Variants in DGKB observed in about 807,000 individuals in gnomAD.
DGKB encodes 90 kDa diacylglycerol kinase.
DGKB carries 67 observed loss-of-function variants against 114.3 expected under a neutral mutation model. That is an observed-to-expected ratio of 0.59 (90% CI 0.48 to 0.72). The LOEUF is 0.72. Among genes scored for constraint, DGKB ranks in the 30% least tolerant of loss-of-function variants. The probability of loss-of-function intolerance (pLI) is 0.00; values close to 1 mark genes in which losing one functional copy is unlikely to be tolerated. For synonymous variants in DGKB, 398 were observed against 323.1 expected (o/e 1.23, Z -2.49); for missense variants, 907 against 975.2 (o/e 0.93, Z 0.93).
intron 1 of DGKB, among the ~76,000 whole-genome samples, chr7:14,923,900 C>T (rs887859023): frequency 6.9e-6 from 1 of 145,016 alleles, no homozygotes; most frequent in South Asian, 2.2e-4. Flanking sequence ...GAGGCTGAGG[C>T]AGGAGAATCT....
intron 23 of DGKB, among the ~76,000 whole-genome samples, chr7:14,247,844 A>C (rs571770360): frequency 1.3e-5 from 2 of 152,004 alleles, no homozygotes; most frequent in East Asian, 3.9e-4. Flanking sequence ...AGAGATTTTT[A>C]GTTTGATGCA....
At chr7:14,625,022 A>T (rs1287218922) in intron 14 of DGKB, among the ~76,000 whole-genome samples, 2 of 152,018 alleles carry the variant, frequency 1.3e-5, no homozygotes, top group African/African-American at 4.8e-5. Flanking sequence ...TATATAAATA[A>T]AAACAAATTT....
chr7:14,309,150 A>C (rs1804956739), intron 23 of DGKB, among the ~76,000 whole-genome samples: 1 of 152,152 alleles, frequency 6.6e-6, no homozygotes, highest in Non-Finnish European at 1.5e-5. Flanking sequence ...CAGGAGGTCC[A>C]GGTTGCAGTG....
intron 23 of DGKB, among the ~76,000 whole-genome samples, chr7:14,256,259 T>C (rs1795952105): frequency 6.6e-6 from 1 of 152,138 alleles, no homozygotes. Flanking sequence ...AGCTCATTTA[T>C]TTTTATGCTT....
At chr7:14,191,484 C>T (rs752375598) in intron 23 of DGKB, 59 of 187,672 alleles carry the variant, frequency 3.1e-4, no homozygotes, top group Admixed American at 1.2e-3. Flanking sequence ...CTCTGCAATG[C>T]ATCCTATCAC....
At chr7:14,368,172 T>C (rs543847138) in intron 21 of DGKB, among the ~76,000 whole-genome samples, 2 of 150,724 alleles carry the variant, frequency 1.3e-5, no homozygotes, top group Admixed American at 6.6e-5. Context: ...CATCAAAACC[T>C]TATACCAGAG....
intron 23 of DGKB, among the ~76,000 whole-genome samples, chr7:14,274,511 A>G (rs760930977): frequency 7.9e-5 from 12 of 152,102 alleles, no homozygotes; most frequent in Non-Finnish European, 1.5e-4. Context: ...CCGCATTAAC[A>G]TCAGACTTAT....
rs1399561675 is a variant in DGKB at position 14,613,328 on chromosome 7, CA to C, written c.1358+11del. Reference sequence around the variant, plus strand: ...ACATGACATAGACACTAAAATCAATCAAAAAACATACCGTTCTCCTTGTTTT... The same window carrying C: ...ACATGACATAGACACTAAAATCAATCAAAAACATACCGTTCTCCTTGTTTT... On this transcript the variant is annotated intron_variant, in intron 16 of 25. Coordinates refer to ENST00000402815, the MANE Select transcript of DGKB (RefSeq NM_001350709.2). The C allele has an allele frequency of 1.2e-5, 18 of 1,538,262 alleles. No individual in the cohort carries two copies. Among genetic ancestry groups the C allele is most frequent in the Non-Finnish European group, 1.6e-5 (18 of 1,132,748 alleles).
chr7:14,436,238 G>T (rs1283333091), intron 21 of DGKB, among the ~76,000 whole-genome samples: 3 of 152,094 alleles, frequency 2.0e-5, no homozygotes, highest in Non-Finnish European at 4.4e-5. Flanking sequence ...TACAGTAAAA[G>T]AAAATAAATC....
chr7:14,216,318 A>C (rs2128315256), intron 23 of DGKB, among the ~76,000 whole-genome samples: 1 of 152,280 alleles, frequency 6.6e-6, no homozygotes, highest in South Asian at 2.1e-4. Flanking sequence ...GCCATGTCTA[A>C]GTTTTTTTGG....
chr7:14,199,844 C>T (rs892263422), intron 23 of DGKB, among the ~76,000 whole-genome samples: 2 of 151,966 alleles, frequency 1.3e-5, no homozygotes, highest in Non-Finnish European at 2.9e-5. Context: ...AACAATATTG[C>T]AAAGCAAGAT....
chr7:14,293,699 G>A (rs1802106757), intron 23 of DGKB, among the ~76,000 whole-genome samples: 1 of 152,074 alleles, frequency 6.6e-6, no homozygotes, highest in African/African-American at 2.4e-5. Flanking sequence ...TTTTCTAGGT[G>A]ATATCCTCTA....
chr7:14,835,311 C>G (rs957331100), intron 2 of DGKB, among the ~76,000 whole-genome samples: 2 of 152,162 alleles, frequency 1.3e-5, no homozygotes, highest in Non-Finnish European at 2.9e-5. Context: ...TCAGCCACCA[C>G]TATCACAATC....
intron 23 of DGKB, among the ~76,000 whole-genome samples, chr7:14,182,615 CTG>C (rs1305437365): frequency 6.6e-6 from 1 of 152,000 alleles, no homozygotes; most frequent in African/African-American, 2.4e-5. Context: ...CTTTATAAAT[CTG>C]TGAAAATAAT....
At chr7:14,194,929 C>T (rs565069537) in intron 23 of DGKB, among the ~76,000 whole-genome samples, 6 of 152,082 alleles carry the variant, frequency 3.9e-5, no homozygotes, top group Admixed American at 1.3e-4. Context: ...TCAGGGCCTG[C>T]AAGTCACTGT....
intron 20 of DGKB, among the ~76,000 whole-genome samples, chr7:14,494,234 G>A (rs1784988598): frequency 6.6e-6 from 1 of 151,800 alleles, no homozygotes; most frequent in African/African-American, 2.4e-5. Flanking sequence ...TATTTTCTAT[G>A]ATATTAACTT....
intron 1 of DGKB, among the ~76,000 whole-genome samples, chr7:14,869,148 T>C (rs1233452601): frequency 6.6e-6 from 1 of 152,212 alleles, no homozygotes; most frequent in East Asian, 1.9e-4. Context: ...AGATAAGGAA[T>C]GGCATCTTGC....
chr7:14,255,594 C>T (rs550519176), intron 23 of DGKB, among the ~76,000 whole-genome samples: 3 of 152,094 alleles, frequency 2.0e-5, no homozygotes, highest in African/African-American at 7.2e-5. Flanking sequence ...TAAAATAATG[C>T]CCTTGCTAAA....
At chr7:14,576,808 ATG>A (rs1029522618) in intron 19 of DGKB, among the ~76,000 whole-genome samples, 10 of 152,184 alleles carry the variant, frequency 6.6e-5, no homozygotes, top group African/African-American at 2.4e-4. Flanking sequence ...ACCACTGGAT[ATG>A]TGTGTAGGGA....
Sources: allele counts gnomAD v4.1 joint callset (sites outside exome capture counted in the v4.1 genomes callset), GRCh38; gene constraint gnomAD v4.1.1; transcripts MANE v1.5; gene names NCBI Gene and HGNC (gene_info 2026-07-23, HGNC 2026-07-21).